FNBP1L: variants seen among roughly 807,000 people sequenced by gnomAD.
FNBP1L encodes formin binding protein 1 like, also known as formin-binding protein 1-like.
A neutral mutation model predicts 91.2 loss-of-function variants in FNBP1L; 36 were observed. The ratio of observed to expected loss-of-function variants is 0.39; its 90% CI spans 0.30 to 0.52. FNBP1L has a LOEUF of 0.52. Ranked by LOEUF, FNBP1L falls within the 20% of genes least tolerant of loss-of-function variation. The probability of loss-of-function intolerance (pLI) is 0.66; values close to 1 mark genes in which losing one functional copy is unlikely to be tolerated. For missense variants in FNBP1L, 571 were observed against 732.1 expected, an observed-to-expected ratio of 0.78 and a Z score of 2.54; for synonymous variants, 242 against 237.0, an observed-to-expected ratio of 1.02 and a Z score of -0.19.
intron 10 of FNBP1L, among the ~76,000 whole-genome samples, chr1:93,540,096 G>A (rs1388315965): frequency 6.6e-6 from 1 of 151,970 alleles, no homozygotes; most frequent in Non-Finnish European, 1.5e-5. Context: ...GTGTGTAGTT[G>A]GGATGCTAGA....
intron 2 of FNBP1L, among the ~76,000 whole-genome samples, chr1:93,510,828 T>C (rs1490954339): frequency 2.0e-5 from 3 of 152,052 alleles, no homozygotes; most frequent in African/African-American, 7.2e-5. Flanking sequence ...CAGGAGCCGA[T>C]GGGATCAACT....
At chr1:93,532,849 A>T in intron 7 of FNBP1L, 73 bp from the exon 8 acceptor site, 9 of 1,089,954 alleles carry the variant, frequency 8.3e-6, no homozygotes, top group Non-Finnish European at 1.2e-5. Context: ...TTGATGGGGG[A>T]TCACTAATTG....
At chr1:93,458,423 C>T (rs1668748094) in intron 1 of FNBP1L, among the ~76,000 whole-genome samples, 1 of 152,138 alleles carries the variant, frequency 6.6e-6, no homozygotes, top group Non-Finnish European at 1.5e-5. Flanking sequence ...AGCTACCGTG[C>T]CCAGCCCAGA....
At chr1:93,458,702 A>C (rs1201770838) in intron 1 of FNBP1L, among the ~76,000 whole-genome samples, 1 of 152,224 alleles carries the variant, frequency 6.6e-6, no homozygotes, top group Non-Finnish European at 1.5e-5. Context: ...GAATGGAAGA[A>C]TATTACAGTA....
At chr1:93,452,901 G>A (rs1668541866) in intron 1 of FNBP1L, among the ~76,000 whole-genome samples, 1 of 152,192 alleles carries the variant, frequency 6.6e-6, no homozygotes, top group African/African-American at 2.4e-5. Flanking sequence ...GCACTGTTAT[G>A]TTTGGTGAGA....
At chr1:93,475,443 G>A (rs1669459664) in intron 1 of FNBP1L, among the ~76,000 whole-genome samples, 1 of 152,116 alleles carries the variant, frequency 6.6e-6, no homozygotes, top group Admixed American at 6.5e-5. Flanking sequence ...GGAGGCTGAG[G>A]TGGGAGGATC....
Position 93,459,614 on chromosome 1 carries a change from T to C in FNBP1L, c.24+11309T>C, listed in dbSNP as rs76348500. On this transcript the variant is annotated intron_variant, in intron 1 of 16. Coordinates refer to ENST00000271234, the MANE Select transcript of FNBP1L (RefSeq NM_001164473.3). The stretch of plus-strand genomic sequence containing the variant: ...GTGAAGAAAACGGAACCCTTGTACA[T>C]TGTTGATGGGAATGTAAATTAGTGC... 6.1e-4 allele frequency among the ~76,000 whole-genome samples: 93 copies of C among 152,348 alleles called. 1 individual carries two copies. In the East Asian group the frequency reaches 7.7e-3, roughly 13 times the overall value.
At chr1:93,523,115 C>T (rs968687448) in intron 3 of FNBP1L, among the ~76,000 whole-genome samples, 7 of 152,130 alleles carry the variant, frequency 4.6e-5, no homozygotes, top group Non-Finnish European at 1.0e-4. Flanking sequence ...TATTTTTTGA[C>T]CCCAAATATC....
At position 93,536,397 on chromosome 1, in the gene FNBP1L, T is replaced by G. The variant is rs1349689788; in HGVS notation, c.1056T>G (p.Phe352Leu). The change falls in exon 10 of 17, where the codon TTT becomes TTG. Residue 352 changes from phenylalanine (F) to leucine (L), a missense_variant. By Grantham distance (22) the Phe-to-Leu change is conservative. Coordinates refer to ENST00000271234, the MANE Select transcript of FNBP1L (RefSeq NM_001164473.3). ...FTSSTPNGSQ[F>L]LTFSIEPVHY... is the part of the protein sequence containing the mutation. ...CCAGTACTCCTAATGGGTCCCAGTT[T>G]CTCACATTCTCCATTGAGCCCGTGC... The G allele has an allele frequency of 1.3e-6, 2 of 1,551,046 alleles. No homozygotes were observed. Among genetic ancestry groups the G allele is most frequent in the Non-Finnish European group, 8.7e-7 (1 of 1,146,448 alleles).
At chr1:93,483,290 A>G (rs1445306982) in intron 1 of FNBP1L, among the ~76,000 whole-genome samples, 1 of 152,130 alleles carries the variant, frequency 6.6e-6, no homozygotes, top group Admixed American at 6.5e-5. Flanking sequence ...TATAGAGTCA[A>G]TATGAAAAGG....
chr1:93,483,921 C>G (rs763861216), intron 1 of FNBP1L, among the ~76,000 whole-genome samples: 8 of 152,238 alleles, frequency 5.3e-5, no homozygotes, highest in East Asian at 1.9e-4. Flanking sequence ...TTTCTTAACT[C>G]TGTTACTTTG....
chr1:93,482,614 C>T (rs977396453), intron 1 of FNBP1L, among the ~76,000 whole-genome samples: 2 of 151,930 alleles, frequency 1.3e-5, no homozygotes, highest in African/African-American at 4.8e-5. Flanking sequence ...AGTAGCAGGC[C>T]AGACACAGTG....
At chr1:93,511,619 T>C (rs1670845444) in intron 2 of FNBP1L, among the ~76,000 whole-genome samples, 1 of 152,152 alleles carries the variant, frequency 6.6e-6, no homozygotes, top group Non-Finnish European at 1.5e-5. Flanking sequence ...TAACTTTAAA[T>C]GTAAATGGAC....
intron 1 of FNBP1L, among the ~76,000 whole-genome samples, chr1:93,465,395 G>A (rs556626244): frequency 4.0e-5 from 6 of 148,216 alleles, no homozygotes; most frequent in Non-Finnish European, 8.9e-5. Flanking sequence ...GATGTTCACC[G>A]CCTTGTGTCC....
chr1:93,461,329 C>A (rs570413654), intron 1 of FNBP1L, among the ~76,000 whole-genome samples: 3 of 152,072 alleles, frequency 2.0e-5, no homozygotes, highest in African/African-American at 7.2e-5. Context: ...TATACCATTG[C>A]TGTTTATGGT....
chr1:93,551,034 G>T lies in FNBP1L; in HGVS notation c.1739G>T (p.Arg580Leu), dbSNP rs753782332. ...EDKGDGWTRA[R>L]RQNGEEGYVP... ...AAAGGTGACGGATGGACAAGAGCTCGGAGACAGAACGGTGAAGAAGGCTAC... is the reference window on the plus strand; with the variant it reads ...AAAGGTGACGGATGGACAAGAGCTCTGAGACAGAACGGTGAAGAAGGCTAC... The change falls in exon 16 of 17, where the codon CGG becomes CTG. Residue 580 changes from arginine (R) to leucine (L), a missense_variant. This residue lies in a region of FNBP1L where 189 missense variants were observed against 219.7 expected (regional missense o/e 0.86). Coordinates refer to ENST00000271234, the MANE Select transcript of FNBP1L (RefSeq NM_001164473.3). 3.1e-6 allele frequency: 5 copies of T among 1,612,734 alleles called. No individual in the cohort carries two copies. The highest frequency in any genetic ancestry group is 3.4e-6 in the Non-Finnish European group (4 of 1,179,218).
intron 2 of FNBP1L, among the ~76,000 whole-genome samples, chr1:93,512,986 T>G (rs946735284): frequency 1.6e-4 from 25 of 152,082 alleles, no homozygotes; most frequent in Non-Finnish European, 7.3e-5. Flanking sequence ...ATCCAGGAGC[T>G]GGTTTTTTGA....
chr1:93,461,168 T>C (rs530827263), intron 1 of FNBP1L, among the ~76,000 whole-genome samples: 1 of 152,250 alleles, frequency 6.6e-6, no homozygotes, highest in East Asian at 1.9e-4. Context: ...AGAGTTTGGA[T>C]TGTTTGAAGT....
At chr1:93,459,264 A>C (rs961185886) in intron 1 of FNBP1L, among the ~76,000 whole-genome samples, 2 of 152,216 alleles carry the variant, frequency 1.3e-5, no homozygotes, top group South Asian at 4.1e-4. Flanking sequence ...ACTCTGTCTC[A>C]CAAAAGAAAG....
Sources: allele counts gnomAD v4.1 joint callset (sites outside exome capture counted in the v4.1 genomes callset), GRCh38; gene constraint gnomAD v4.1.1; regional missense constraint gnomAD v4.1.1; transcripts MANE v1.5; gene names NCBI Gene and HGNC (gene_info 2026-07-23, HGNC 2026-07-21).